Variants in KLHL3 observed in about 807,000 individuals in gnomAD.
KLHL3 encodes the protein kelch-like protein 3.
In KLHL3, 19 loss-of-function variants were observed where a neutral mutation model predicts 70.5. The observed-to-expected ratio is 0.27, with a 90% confidence interval of 0.19 to 0.40. KLHL3 has a LOEUF of 0.40. Ranked by LOEUF, KLHL3 falls within the 10% of genes least tolerant of loss-of-function variation. The pLI, the probability that KLHL3 is intolerant of heterozygous loss-of-function variation, is 1.00. For synonymous variants in KLHL3, 258 were observed against 290.3 expected (o/e 0.89, Z 1.13); for missense variants, 512 against 771.1 (o/e 0.66, Z 3.98).
chr5:137,626,375 A>T (rs1332290373), intron 13 of KLHL3, among the ~76,000 whole-genome samples: 1 of 152,168 alleles, frequency 6.6e-6, no homozygotes, highest in Non-Finnish European at 1.5e-5. Context: ...TATGTCTCTA[A>T]TCCCTTTACA....
intron 4 of KLHL3, 120 bp downstream of exon 4, chr5:137,698,167 G>T (rs1268366879): frequency 7.4e-7 from 1 of 1,358,122 alleles, no homozygotes; most frequent in Non-Finnish European, 1.0e-6. Context: ...GACCTCTCTG[G>T]AGCTTTAGTT....
At chr5:137,684,557 T>G (rs1752117648) in intron 5 of KLHL3, among the ~76,000 whole-genome samples, 1 of 152,042 alleles carries the variant, frequency 6.6e-6, no homozygotes, top group Non-Finnish European at 1.5e-5. Context: ...GGCAGACTGA[T>G]GTAAACAACA....
At chr5:137,691,277 T>C (rs915691848) in intron 5 of KLHL3, among the ~76,000 whole-genome samples, 2 of 152,174 alleles carry the variant, frequency 1.3e-5, no homozygotes, top group African/African-American at 4.8e-5. Context: ...AAAAACACTA[T>C]AATTATAATA....
At chr5:137,697,429 G>A (rs766077168) in intron 4 of KLHL3, among the ~76,000 whole-genome samples, 9 of 152,250 alleles carry the variant, frequency 5.9e-5, no homozygotes, top group South Asian at 4.1e-4. Context: ...TTCCAAAAGC[G>A]CTGGGATTAT....
rs1756343281 is a variant in KLHL3, at chr5:137,619,776, G to T, written c.*2322C>A. ...CAGTGCTTTGTAGGGAGGGAGACAT[G>T]AGGTGAAACCAATTGCAAAAATCCA... is the stretch of plus-strand genomic sequence containing the variant. On this transcript the variant is annotated 3_prime_UTR_variant, in exon 15 of 15. Transcript: ENST00000309755. 1 of 152,680 alleles carries T rather than the reference G, an allele frequency of 6.5e-6. No individual in the cohort carries two copies. The highest frequency in any genetic ancestry group is 1.5e-5 in the Non-Finnish European group (1 of 68,068). 9.5% of individuals were successfully genotyped at this position (152,680 alleles called of 1,614,324 possible).
At chr5:137,690,994 G>A (rs535807472) in intron 5 of KLHL3, among the ~76,000 whole-genome samples, 1 of 152,244 alleles carries the variant, frequency 6.6e-6, no homozygotes, top group African/African-American at 2.4e-5. Flanking sequence ...TCTTCAGGCT[G>A]GAACAAGTGG....
chr5:137,692,676 C>T (rs1752351728), intron 4 of KLHL3: 2 of 505,668 alleles, frequency 4.0e-6, no homozygotes, highest in Non-Finnish European at 7.1e-6. Context: ...GCTTCCCAGT[C>T]TTTAATCCCT....
At chr5:137,635,880 T>C (rs1430535155) in intron 11 of KLHL3, among the ~76,000 whole-genome samples, 1 of 152,152 alleles carries the variant, frequency 6.6e-6, no homozygotes, top group African/African-American at 2.4e-5. Context: ...TTACCACCAT[T>C]ATGGCACCTC....
chr5:137,710,409 T>C (rs568670787), intron 2 of KLHL3, among the ~76,000 whole-genome samples: 25 of 152,268 alleles, frequency 1.6e-4, no homozygotes, highest in East Asian at 9.7e-4. Flanking sequence ...AACACAGTGC[T>C]CCCTAAAGAC....
chr5:137,658,345 C>G, intron 7 of KLHL3, 65 bp from the exon 8 acceptor site: 1 of 1,511,794 alleles, frequency 6.6e-7, no homozygotes, highest in Non-Finnish European at 9.2e-7. Context: ...AGCTTTCACC[C>G]TGGGCTCAGT....
At chr5:137,682,672 C>T (rs1032860603) in intron 5 of KLHL3, among the ~76,000 whole-genome samples, 11 of 152,166 alleles carry the variant, frequency 7.2e-5, no homozygotes, top group African/African-American at 2.2e-4. Flanking sequence ...TCCCTAATCA[C>T]CCTGCTTTAT....
At chr5:137,708,161 A>C (rs554607393) in intron 3 of KLHL3, among the ~76,000 whole-genome samples, 1 of 152,340 alleles carries the variant, frequency 6.6e-6, no homozygotes, top group Non-Finnish European at 1.5e-5. Context: ...TCCTGGCCCA[A>C]GGCTGAAAGT....
At chr5:137,702,412 G>T (rs1752589620) in intron 3 of KLHL3, among the ~76,000 whole-genome samples, 1 of 152,158 alleles carries the variant, frequency 6.6e-6, no homozygotes, top group African/African-American at 2.4e-5. Context: ...TATATACAAA[G>T]GTCTGGAGGT....
At chr5:137,664,332 G>A (rs916508216) in intron 6 of KLHL3, among the ~76,000 whole-genome samples, 6 of 150,642 alleles carry the variant, frequency 4.0e-5, no homozygotes, top group African/African-American at 7.3e-5. Flanking sequence ...TCTGGGAGAC[G>A]AAGTGAGACC....
intron 12 of KLHL3, 45 bp from the exon 13 acceptor site, chr5:137,628,482 A>T: frequency 6.2e-7 from 1 of 1,609,972 alleles, no homozygotes; most frequent in Non-Finnish European, 8.5e-7. Flanking sequence ...TGACTACAGT[A>T]ACCAGAAATC....
At chr5:137,632,075 T>C (rs1750651375) in intron 12 of KLHL3, among the ~76,000 whole-genome samples, 1 of 152,168 alleles carries the variant, frequency 6.6e-6, no homozygotes, top group Non-Finnish European at 1.5e-5. Context: ...AAAATGACCA[T>C]ATTCCCTGAA....
chr5:137,697,765 C>T (rs1014311115), intron 4 of KLHL3, among the ~76,000 whole-genome samples: 1 of 152,096 alleles, frequency 6.6e-6, no homozygotes, highest in Non-Finnish European at 1.5e-5. Flanking sequence ...TTTGTAAACA[C>T]TTTGTATTTT....
intron 2 of KLHL3, among the ~76,000 whole-genome samples, chr5:137,714,793 T>C (rs1157410020): frequency 1.3e-5 from 2 of 152,204 alleles, no homozygotes; most frequent in Admixed American, 6.5e-5. Flanking sequence ...ATCTGAATTA[T>C]GTCTTGATAA....
At position 137,709,732 on chromosome 5, in the gene KLHL3, G is replaced by A; in HGVS notation, c.241+18C>T. ...TGCAGCCCCATAACCATGGGTTAAT[G>A]GTGGCCACTCACCATACCTGTGAAC... On this transcript the variant is annotated intron_variant, in intron 3 of 14. Coordinates refer to ENST00000309755, the MANE Select transcript of KLHL3 (RefSeq NM_017415.3). The A allele has an allele frequency of 6.3e-7, 1 of 1,590,872 alleles. No homozygotes were observed. Among genetic ancestry groups the A allele is most frequent in the South Asian group, 1.1e-5 (1 of 90,646 alleles).
Sources: allele counts gnomAD v4.1 joint callset (sites outside exome capture counted in the v4.1 genomes callset), GRCh38; gene constraint gnomAD v4.1.1; transcripts MANE v1.5; gene names NCBI Gene and HGNC (gene_info 2026-07-23, HGNC 2026-07-21).